KHDRBS2: variants seen among roughly 807,000 people sequenced by gnomAD.
KHDRBS2 encodes KH RNA binding domain containing, signal transduction associated 2.
Under a neutral mutation model 44.3 loss-of-function variants are expected in KHDRBS2, and 26 were observed. The ratio of observed to expected loss-of-function variants is 0.59; its 90% CI spans 0.43 to 0.81. KHDRBS2 has a LOEUF of 0.81. KHDRBS2 is among the 40% of genes least tolerant of loss of function. The pLI is 0.00. For missense variants in KHDRBS2, 476 were observed against 433.1 expected (o/e 1.10, Z -0.88); for synonymous variants, 194 against 151.1 (o/e 1.28, Z -2.08).
Position 61,848,457 on chromosome 6 carries a change from G to T in KHDRBS2, c.810+46178C>A, listed in dbSNP as rs185246168. 3.5e-3 allele frequency among the ~76,000 whole-genome samples: 423 copies of T among 121,040 alleles called. 2 individuals are homozygous for T. Among genetic ancestry groups the T allele is most frequent in the Non-Finnish European group, 5.8e-3 (341 of 58,822 alleles). The allele number at this position is 121,040 out of a possible 152,430, so 79.4% of individuals were successfully genotyped here. A position where few individuals can be genotyped will look rare whatever the true frequency, so the allele number is the denominator to read the frequency against. ...AAATGCTCCAAAGGTTATATTGAGA[G>T]AAATGGAGGTTTTATATATATATAT... is the stretch of plus-strand genomic sequence containing the variant. On this transcript the variant is annotated intron_variant, in intron 6 of 8. Transcript: ENST00000281156.
the KHDRBS2 span, among the ~76,000 whole-genome samples, chr6:61,641,730 T>C: frequency 2.0e-5 from 3 of 152,280 alleles, no homozygotes. Flanking sequence ...GTCTCTGGCA[T>C]AGTGGTCTGT....
At chr6:62,064,561 G>A (rs1283014550) in intron 2 of KHDRBS2, among the ~76,000 whole-genome samples, 4 of 147,512 alleles carry the variant, frequency 2.7e-5, no homozygotes, top group Non-Finnish European at 6.0e-5. Flanking sequence ...ATGGTGCTGG[G>A]AAAACTGGCT....
chr6:62,184,203 G>A (rs1173273547), intron 1 of KHDRBS2, among the ~76,000 whole-genome samples: 1 of 151,420 alleles, frequency 6.6e-6, no homozygotes, highest in South Asian at 2.1e-4. Context: ...CCATCACTTC[G>A]AAATCTAAGT....
chr6:61,940,725 C>T (rs1464082205), intron 4 of KHDRBS2, among the ~76,000 whole-genome samples: 1 of 152,148 alleles, frequency 6.6e-6, no homozygotes, highest in Non-Finnish European at 1.5e-5. Flanking sequence ...ATAAGAGTGG[C>T]TTCTACTTCC....
At chr6:61,590,353 C>T in the KHDRBS2 span, among the ~76,000 whole-genome samples, 1 of 152,168 alleles carries the variant, frequency 6.6e-6, no homozygotes, top group East Asian at 1.9e-4. Context: ...CTCTTGCATA[C>T]ATAACAGCTC....
At chr6:61,799,191 T>G (rs928753072) in intron 6 of KHDRBS2, among the ~76,000 whole-genome samples, 1 of 152,014 alleles carries the variant, frequency 6.6e-6, no homozygotes, top group Non-Finnish European at 1.5e-5. Context: ...AAAAAAGCAT[T>G]AAATAGGCAG....
chr6:62,032,370 C>G (rs942027265), intron 3 of KHDRBS2, among the ~76,000 whole-genome samples: 4 of 151,880 alleles, frequency 2.6e-5, no homozygotes, highest in Admixed American at 1.3e-4. Context: ...AGACTGTATC[C>G]TTCTCCCATG....
chr6:62,061,384 C>A (rs1219618676), intron 2 of KHDRBS2, among the ~76,000 whole-genome samples: 2 of 151,516 alleles, frequency 1.3e-5, no homozygotes, highest in South Asian at 2.1e-4. Flanking sequence ...GACAAAATCT[C>A]TCAGCATTTG....
intron 6 of KHDRBS2, among the ~76,000 whole-genome samples, chr6:61,769,999 A>G (rs1426035867): frequency 1.3e-5 from 2 of 152,146 alleles, no homozygotes; most frequent in African/African-American, 4.8e-5. Flanking sequence ...TTCCAGAGGA[A>G]CGATCAGGCA....
intron 2 of KHDRBS2, among the ~76,000 whole-genome samples, chr6:62,119,295 T>G (rs1020155042): frequency 1.3e-5 from 2 of 152,184 alleles, no homozygotes; most frequent in African/African-American, 4.8e-5. Context: ...ACATAATACC[T>G]TCAACCATAT....
At chr6:61,848,232 C>T (rs1794696688) in intron 6 of KHDRBS2, among the ~76,000 whole-genome samples, 1 of 151,372 alleles carries the variant, frequency 6.6e-6, no homozygotes, top group Non-Finnish European at 1.5e-5. Context: ...AATTCTGATG[C>T]AGGTAGCCTG....
At chr6:62,127,836 T>C (rs1365521381) in intron 2 of KHDRBS2, among the ~76,000 whole-genome samples, 2 of 152,176 alleles carry the variant, frequency 1.3e-5, no homozygotes. Flanking sequence ...TTCTGTAAAG[T>C]CTCTCATTCA....
chr6:61,873,947 T>C (rs1799031022), intron 6 of KHDRBS2, among the ~76,000 whole-genome samples: 1 of 152,180 alleles, frequency 6.6e-6, no homozygotes, highest in Middle Eastern at 3.4e-3. Context: ...ATGGGGGGCA[T>C]TCAGACTTGT....
intron 3 of KHDRBS2, among the ~76,000 whole-genome samples, chr6:62,016,585 C>A (rs1290852904): frequency 6.7e-6 from 1 of 148,338 alleles, no homozygotes; most frequent in East Asian, 2.0e-4. Flanking sequence ...TATATAAATA[C>A]ATTTATATAA....
chr6:61,715,145 C>A (rs755128022), intron 7 of KHDRBS2, among the ~76,000 whole-genome samples: 1 of 151,886 alleles, frequency 6.6e-6, no homozygotes, highest in Non-Finnish European at 1.5e-5. Context: ...GACCTGGAGG[C>A]TGTTTTTTTA....
At chr6:61,954,813 C>CATATGTATGTATACATACAT (rs1765923214) in intron 4 of KHDRBS2, among the ~76,000 whole-genome samples, 3 of 46,786 alleles carry the variant, frequency 6.4e-5, no homozygotes, top group Admixed American at 1.9e-4. Context: ...TATACATACG[C>CATATGTATGTATACATACAT]ATGTGTATAT....
chr6:62,061,128 A>G lies in KHDRBS2; in HGVS notation c.220-13134T>C, dbSNP rs556813202. Among the ~76,000 whole-genome samples the G allele has an allele frequency of 3.0e-4, 45 of 151,884 alleles. 1 individual carries two copies. In the South Asian group the frequency reaches 8.5e-3, roughly 29 times the overall value. On this transcript the variant is annotated intron_variant, in intron 2 of 8. Transcript: ENST00000281156. ...CTGATGGGTCTTGACTCTTTATCCA[A>G]TTTGCCAGTCTGTGTCTTTTAATTG...
intron 2 of KHDRBS2, among the ~76,000 whole-genome samples, chr6:62,137,622 T>C (rs1351659531): frequency 6.6e-6 from 1 of 152,140 alleles, no homozygotes; most frequent in Non-Finnish European, 1.5e-5. Flanking sequence ...ATGTTCTGTA[T>C]AAAGGAAAGA....
At chr6:61,769,380 A>G (rs1780486751) in intron 6 of KHDRBS2, among the ~76,000 whole-genome samples, 1 of 152,196 alleles carries the variant, frequency 6.6e-6, no homozygotes, top group Admixed American at 6.5e-5. Flanking sequence ...TCACCTGGAA[A>G]GCACAAGGGG....
Sources: gnomAD v4.1 joint callset for allele counts (sites outside exome capture counted in the v4.1 genomes callset) on GRCh38, gnomAD v4.1.1 for gene constraint, MANE v1.5 for transcripts, NCBI Gene and HGNC (gene_info 2026-07-23, HGNC 2026-07-21) for gene names.